The following ZBTB44 variants were observed in gnomAD, a reference collection of about 807,000 sequenced individuals.
ZBTB44 encodes zinc finger and BTB domain containing 44.
ZBTB44 carries 15 observed loss-of-function variants against 54.0 expected under a neutral mutation model. That is an observed-to-expected ratio of 0.28 (90% CI 0.19 to 0.43). The LOEUF is 0.43. Ranked by LOEUF, ZBTB44 falls within the 20% of genes least tolerant of loss-of-function variation. ZBTB44 has a pLI of 1.00. For synonymous variants in ZBTB44, 230 were observed against 250.1 expected (o/e 0.92, Z 0.76); for missense variants, 487 against 707.1 (o/e 0.69, Z 3.53).
At chr11:130,273,994 A>C in intron 1 of ZBTB44, among the ~76,000 whole-genome samples, 1 of 151,074 alleles carries the variant, frequency 6.6e-6, no homozygotes, top group East Asian at 2.0e-4. Flanking sequence ...GGGCTGAGGC[A>C]GGAAAATAAT....
chr11:130,237,755 G>A (rs1217148544), intron 4 of ZBTB44, among the ~76,000 whole-genome samples: 2 of 152,148 alleles, frequency 1.3e-5, no homozygotes, highest in African/African-American at 4.8e-5. Context: ...TTGGTGCTAG[G>A]ACAGGGACTG....
chr11:130,238,660 A>G (rs1217623640), intron 3 of ZBTB44, 53 bp from the exon 4 acceptor site: 1 of 1,542,690 alleles, frequency 6.5e-7, no homozygotes, highest in African/African-American at 1.4e-5. Context: ...TAAACTGAAT[A>G]AACACTGCTA....
intron 1 of ZBTB44, among the ~76,000 whole-genome samples, chr11:130,292,811 G>C (rs777684416): frequency 2.6e-5 from 4 of 152,118 alleles, no homozygotes; most frequent in Non-Finnish European, 5.9e-5. Context: ...AAATGTATAC[G>C]TGTACTCAAA....
chr11:130,300,149 G>C (rs1565335650), intron 1 of ZBTB44, among the ~76,000 whole-genome samples: 1 of 152,170 alleles, frequency 6.6e-6, no homozygotes, highest in Non-Finnish European at 1.5e-5. Context: ...GGTTGCCTGG[G>C]GATGTGGGGA....
At chr11:130,252,195 G>A (rs770912299) in intron 2 of ZBTB44, among the ~76,000 whole-genome samples, 2 of 152,168 alleles carry the variant, frequency 1.3e-5, no homozygotes, top group South Asian at 4.1e-4. Context: ...TTATATAATG[G>A]CAGACGGATC....
intron 6 of ZBTB44, 91 bp downstream of exon 6, chr11:130,234,065 T>C (rs1954002527): frequency 6.5e-7 from 1 of 1,532,424 alleles, no homozygotes; most frequent in African/African-American, 1.4e-5. Context: ...GCACTGCTCT[T>C]TGGCTGCTCT....
chr11:130,292,230 T>C (rs1941346790), intron 1 of ZBTB44, among the ~76,000 whole-genome samples: 1 of 152,266 alleles, frequency 6.6e-6, no homozygotes, highest in African/African-American at 2.4e-5. Flanking sequence ...CACATTTGTG[T>C]ACAAGATTTG....
rs1941616243 is a variant in ZBTB44 at position 130,295,928 on chromosome 11, A to C, written c.-57+18447T>G. ...ATGGGTGGCAGTAACGGATCTGCTG[A>C]AGCACAGAAACTTGCTAATGGGATC... On this transcript the variant is annotated intron_variant, in intron 1 of 7. Coordinates refer to ENST00000357899, the MANE Select transcript of ZBTB44 (RefSeq NM_001301098.2). 7 of 1,521,388 alleles carry C rather than the reference A, an allele frequency of 4.6e-6. No individual in the cohort carries two copies. The South Asian group carries it at 6.7e-5, about 15-fold the overall frequency. 94.2% of individuals were successfully genotyped at this position (1,521,388 alleles called of 1,614,324 possible).
intron 2 of ZBTB44, among the ~76,000 whole-genome samples, chr11:130,254,552 G>A (rs1331108725): frequency 2.0e-5 from 3 of 152,150 alleles, no homozygotes; most frequent in African/African-American, 4.8e-5. Context: ...TTAGAATGGT[G>A]ATCATTAAAA....
At chr11:130,312,089 T>A (rs1942641885) in intron 1 of ZBTB44, among the ~76,000 whole-genome samples, 1 of 152,230 alleles carries the variant, frequency 6.6e-6, no homozygotes, top group Admixed American at 6.5e-5. Flanking sequence ...GTAAAGAGAT[T>A]AAATTTAACA....
At chr11:130,312,845 G>A (rs1020561273) in intron 1 of ZBTB44, among the ~76,000 whole-genome samples, 1 of 152,090 alleles carries the variant, frequency 6.6e-6, no homozygotes, top group Admixed American at 6.5e-5. Flanking sequence ...ATGATACTGG[G>A]GTTAGTAGGA....
intron 1 of ZBTB44, among the ~76,000 whole-genome samples, chr11:130,297,345 GTA>G: frequency 6.6e-6 from 1 of 152,252 alleles, no homozygotes; most frequent in African/African-American, 2.4e-5. Flanking sequence ...ACACACAAAT[GTA>G]TGTTACTGTT....
At position 130,261,998 on chromosome 11, in the gene ZBTB44, C is replaced by T; in HGVS notation, c.-56-69G>A. 8.9e-7 allele frequency: 1 copy of T among 1,128,380 alleles called. No individual in the cohort carries two copies. The highest frequency in any genetic ancestry group is 1.2e-6 in the Non-Finnish European group (1 of 822,482). The allele number at this position is 1,128,380 out of a possible 1,614,324, so 69.9% of individuals were successfully genotyped here. ...TTTAAAATGTGATTTAGATCATTTT[C>T]ATGTGGCCACTGTACTAAATTAAAA... On this transcript the variant is annotated intron_variant, in intron 1 of 7. Coordinates refer to ENST00000357899, the MANE Select transcript of ZBTB44 (RefSeq NM_001301098.2). This position sits in a 1 kb window ranked among gnomAD's most constrained non-coding sequence, Gnocchi z 4.8.
intron 1 of ZBTB44, among the ~76,000 whole-genome samples, chr11:130,283,926 T>C (rs1940726522): frequency 1.5e-5 from 2 of 136,986 alleles, no homozygotes; most frequent in South Asian, 4.7e-4. Context: ...GCCAAGTTTG[T>C]GCCTTTGCAC....
intron 1 of ZBTB44, among the ~76,000 whole-genome samples, chr11:130,281,789 TTTCGCC>T (rs1940541472): frequency 2.6e-4 from 2 of 7,746 alleles, no homozygotes; most frequent in Admixed American, 2.0e-3. Flanking sequence ...AGAGACGGGG[TTTCGCC>T]GGGGTTTCGC....
In ZBTB44 at chr11:130,314,814, A is replaced by T. The variant is rs935139134; in HGVS notation, c.-496T>A. On this transcript the variant is annotated 5_prime_UTR_variant, in exon 1 of 8. Transcript: ENST00000357899. ...AGGGGACTGAGGGGAGGGGAGGGGGAGGTTGGGAGGGAGCCGCCGCCGCGC... is the reference window on the plus strand; with the variant it reads ...AGGGGACTGAGGGGAGGGGAGGGGGTGGTTGGGAGGGAGCCGCCGCCGCGC... The T allele has an allele frequency of 3.0e-5, 1 of 33,570 alleles. No individual in the cohort carries two copies. Among genetic ancestry groups the T allele is most frequent in the East Asian group, 8.3e-4 (1 of 1,202 alleles). 2.1% of individuals were successfully genotyped at this position (33,570 alleles called of 1,614,324 possible). A position where few individuals can be genotyped will look rare whatever the true frequency, so the allele number is the denominator to read the frequency against.
At chr11:130,311,215 A>AT (rs929990915) in intron 1 of ZBTB44, among the ~76,000 whole-genome samples, 5 of 151,702 alleles carry the variant, frequency 3.3e-5, no homozygotes, top group Admixed American at 6.6e-5. Context: ...TAAGTTTATT[A>AT]TTTTTTTTGG....
At chr11:130,302,327 C>T (rs1942030978) in intron 1 of ZBTB44, among the ~76,000 whole-genome samples, 1 of 151,960 alleles carries the variant, frequency 6.6e-6, no homozygotes, top group South Asian at 2.1e-4. Flanking sequence ...TGCTATACTG[C>T]CTCTCAAAGT....
chr11:130,258,387 A>G (rs1020397326), intron 2 of ZBTB44, among the ~76,000 whole-genome samples: 3 of 140,366 alleles, frequency 2.1e-5, no homozygotes, highest in African/African-American at 9.2e-5. Flanking sequence ...CATTCACACC[A>G]AGATAAGTGC....
Sources: allele counts gnomAD v4.1 joint callset (sites outside exome capture counted in the v4.1 genomes callset), GRCh38; gene constraint gnomAD v4.1.1; non-coding constraint Gnocchi (gnomAD v3.1); transcripts MANE v1.5; gene names NCBI Gene and HGNC (gene_info 2026-07-23, HGNC 2026-07-21).